Variants in NELL1 observed in about 807,000 individuals in gnomAD.
NELL1 encodes the protein protein kinase C-binding protein NELL1.
Under a neutral mutation model 107.4 loss-of-function variants are expected in NELL1, and 76 were observed. The ratio of observed to expected loss-of-function variants is 0.71; its 90% CI spans 0.59 to 0.86. The LOEUF (loss-of-function observed/expected upper bound fraction) is 0.86, where lower values mean the gene tolerates loss of function less well. Ranked by LOEUF, NELL1 falls within the 40% of genes least tolerant of loss-of-function variation. NELL1 has a pLI of 0.00. For missense variants in NELL1, 1,024 were observed against 1,005.5 expected, an observed-to-expected ratio of 1.02 and a Z score of -0.25; for synonymous variants, 353 against 341.2, an observed-to-expected ratio of 1.03 and a Z score of -0.38.
intron 3 of NELL1, among the ~76,000 whole-genome samples, chr11:20,838,553 G>C (rs556274474): frequency 1.1e-4 from 16 of 151,952 alleles, no homozygotes; most frequent in Admixed American, 2.0e-4. Context: ...AAATACATGG[G>C]ACGCCAACAC....
intron 13 of NELL1, among the ~76,000 whole-genome samples, chr11:21,168,261 C>G (rs1034755492): frequency 1.3e-5 from 2 of 151,852 alleles, no homozygotes; most frequent in Admixed American, 1.3e-4. Flanking sequence ...ATGGAATTTA[C>G]TATCTCCTCC....
intron 12 of NELL1, among the ~76,000 whole-genome samples, chr11:20,986,929 A>C (rs2134251370): frequency 6.6e-6 from 1 of 152,354 alleles, no homozygotes; most frequent in African/African-American, 2.4e-5. Flanking sequence ...CTATGTAAAT[A>C]AATTTCAACA....
At chr11:21,266,613 C>G (rs1848640541) in intron 14 of NELL1, among the ~76,000 whole-genome samples, 1 of 152,054 alleles carries the variant, frequency 6.6e-6, no homozygotes, top group African/African-American at 2.4e-5. Flanking sequence ...TTTCTACATT[C>G]CAGCTAATTA....
chr11:20,822,024 A>G (rs77841160), intron 3 of NELL1, among the ~76,000 whole-genome samples: 150 of 152,282 alleles, frequency 9.9e-4, no homozygotes, highest in Middle Eastern at 6.8e-3. Flanking sequence ...AAGGATATTA[A>G]AGTGCTTAAT....
chr11:21,308,828 C>G (rs961715583), intron 14 of NELL1, among the ~76,000 whole-genome samples: 1 of 151,814 alleles, frequency 6.6e-6, no homozygotes, highest in Non-Finnish European at 1.5e-5. Context: ...CTCCTTGAAC[C>G]ACTCACATAC....
At chr11:21,362,914 G>A (rs796693162) in intron 14 of NELL1, among the ~76,000 whole-genome samples, 1 of 139,704 alleles carries the variant, frequency 7.2e-6, no homozygotes, top group African/African-American at 2.6e-5. Context: ...TTCCAGAGGG[G>A]ATCTTGGCCA....
intron 15 of NELL1, among the ~76,000 whole-genome samples, chr11:21,483,846 A>G (rs886123420): frequency 7.7e-6 from 1 of 129,700 alleles, no homozygotes; most frequent in South Asian, 2.6e-4. Flanking sequence ...GAAATTATAT[A>G]TAGTATATAT....
intron 15 of NELL1, among the ~76,000 whole-genome samples, chr11:21,518,232 T>C (rs1482809317): frequency 6.6e-6 from 1 of 152,072 alleles, no homozygotes; most frequent in Non-Finnish European, 1.5e-5. Flanking sequence ...CCAAAATAAC[T>C]TTTTCATTAT....
chr11:20,727,548 C>T (rs943072463), intron 2 of NELL1, among the ~76,000 whole-genome samples: 1 of 152,104 alleles, frequency 6.6e-6, no homozygotes, highest in Non-Finnish European at 1.5e-5. Flanking sequence ...CTGTAGGTTG[C>T]CTGTTCACTC....
chr11:20,952,091 T>C (rs981537488), intron 11 of NELL1, among the ~76,000 whole-genome samples: 10 of 152,014 alleles, frequency 6.6e-5, no homozygotes, highest in African/African-American at 2.2e-4. Flanking sequence ...TGACCATGTA[T>C]TCTCAGGACC....
intron 15 of NELL1, among the ~76,000 whole-genome samples, chr11:21,436,377 GT>G (rs2133840128): frequency 6.6e-6 from 1 of 152,092 alleles, no homozygotes; most frequent in East Asian, 1.9e-4. Flanking sequence ...ATCTTGTTCA[GT>G]TACACATCCA....
intron 3 of NELL1, among the ~76,000 whole-genome samples, chr11:20,794,011 C>T (rs1205691468): frequency 6.6e-6 from 1 of 152,192 alleles, no homozygotes; most frequent in Non-Finnish European, 1.5e-5. Context: ...TATTGATTAA[C>T]TGATTGATTG....
chr11:21,378,035 C>G (rs535377365), intron 15 of NELL1, among the ~76,000 whole-genome samples: 3 of 151,964 alleles, frequency 2.0e-5, no homozygotes, highest in Non-Finnish European at 4.4e-5. Flanking sequence ...ACACCTCCAG[C>G]TGTGACCATC....
chr11:21,192,849 T>G (rs969044575), intron 13 of NELL1, among the ~76,000 whole-genome samples: 6 of 151,864 alleles, frequency 4.0e-5, no homozygotes, highest in African/African-American at 1.5e-4. Context: ...ATGTTTCAAC[T>G]CCCCACTGGG....
chr11:21,365,412 C>T (rs1054390634), intron 14 of NELL1, among the ~76,000 whole-genome samples: 1 of 152,132 alleles, frequency 6.6e-6, no homozygotes. Context: ...CCAGCTTTCT[C>T]ATCTGGCAGT....
At chr11:21,551,835 C>T (rs60789071) in intron 16 of NELL1, among the ~76,000 whole-genome samples, 3,477 of 151,274 alleles carry the variant, frequency 0.023, 125 homozygotes, top group African/African-American at 0.078. Context: ...GACACATGCA[C>T]ACGTATGTTT....
Position 20,755,544 on chromosome 11 carries a change from TTTTTTGTTTTTGTTTTTG to T in NELL1, c.185-28130_185-28113del, listed in dbSNP as rs1233240414. On this transcript the variant is annotated intron_variant, in intron 2 of 19. Transcript: ENST00000357134. ...AAAAGACCTGTGTGGGTTTTTGTTT[TTTTTTGTTTTTGTTTTTG>T]TTTTTTTTTTTTTGAGACAGAATCT... Among the ~76,000 whole-genome samples the T allele has an allele frequency of 2.4e-3, 98 of 41,514 alleles. 2 individuals are homozygous for T. The highest frequency in any genetic ancestry group is 6.8e-3 in the African/African-American group (91 of 13,426). The allele number at this position is 41,514 out of a possible 152,430, so 27.2% of individuals were successfully genotyped here.
rs148435851 is a variant in NELL1, at chr11:21,338,196, G to A, written c.1550-32657G>A. Among the ~76,000 whole-genome samples the A allele has an allele frequency of 5.1e-3, 777 of 152,258 alleles. 5 individuals carry two copies. The highest frequency in any genetic ancestry group is 0.018 in the African/African-American group (743 of 41,534). ...TGCCGGTGTCATGCAATTTCGACAG[G>A]TGTTGTGCTGTGGGAATTGATTGAA... On this transcript the variant is annotated intron_variant, in intron 14 of 19. Coordinates refer to ENST00000357134, the MANE Select transcript of NELL1 (RefSeq NM_006157.5).
intron 2 of NELL1, among the ~76,000 whole-genome samples, chr11:20,707,643 CCT>C (rs1285835272): frequency 6.6e-6 from 1 of 152,172 alleles, no homozygotes; most frequent in African/African-American, 2.4e-5. Flanking sequence ...CATTCCAGAC[CCT>C]GTTTGCCTGG....
Sources: gnomAD v4.1 joint callset for allele counts (sites outside exome capture counted in the v4.1 genomes callset) on GRCh38, gnomAD v4.1.1 for gene constraint, MANE v1.5 for transcripts, NCBI Gene and HGNC (gene_info 2026-07-23, HGNC 2026-07-21) for gene names.